RASA3: variants seen among roughly 807,000 people sequenced by gnomAD.
RASA3 encodes ras GTPase-activating protein 3.
In RASA3, 73 loss-of-function variants were observed where a neutral mutation model predicts 110.0. The observed-to-expected ratio is 0.66, with a 90% CI of 0.55 to 0.81. The LOEUF (loss-of-function observed/expected upper bound fraction) is 0.81, where lower values mean the gene tolerates loss of function less well. Among genes scored for constraint, RASA3 ranks in the 30% least tolerant of loss-of-function variants. RASA3 has a pLI of 0.00. For synonymous variants in RASA3, 500 were observed against 451.4 expected (o/e 1.11, Z -1.37); for missense variants, 976 against 1,113.2 (o/e 0.88, Z 1.75).
chr13:114,000,836 G>A lies in RASA3; in HGVS notation c.1839C>T (p.His613=), dbSNP rs35054508. ...GACCTTGCTCCTTACCTTTGCTTTT[G>A]TGGTAGGTAAATTCATGGTTGGTCA... ...FRLTNHEFTY[H]KSKGDQPLYS... is the part of the protein sequence containing the mutation. Residue 613 remains histidine, a synonymous_variant, in exon 19 of 24, where the codon CAC becomes CAT. Coordinates refer to ENST00000334062, the MANE Select transcript of RASA3 (RefSeq NM_007368.4). 481 of 1,609,072 alleles carry A rather than the reference G, an allele frequency of 3.0e-4. 1 individual carries two copies. The African/African-American group carries it at 4.0e-3, about 13-fold the overall frequency.
At chr13:114,122,929 C>T (rs1199271203) in intron 1 of RASA3, among the ~76,000 whole-genome samples, 1 of 152,214 alleles carries the variant, frequency 6.6e-6, no homozygotes, top group African/African-American at 2.4e-5. Flanking sequence ...AAGGAAAAGG[C>T]CGCGGCAGCA....
intron 18 of RASA3, among the ~76,000 whole-genome samples, chr13:114,002,193 C>CG (rs2053420824): frequency 6.6e-6 from 1 of 152,062 alleles, no homozygotes. Flanking sequence ...GGGAGGTGGG[C>CG]GGGGGAGACG....
In RASA3 at chr13:113,977,942, T is replaced by C. The variant is rs1289653568; in HGVS notation, c.*1405A>G. 3 of 152,304 alleles carry C rather than the reference T, an allele frequency of 2.0e-5. No individual in the cohort carries two copies. The East Asian group carries it at 5.8e-4, about 29-fold the overall frequency. The allele number at this position is 152,304 out of a possible 1,614,324, so 9.4% of individuals were successfully genotyped here. On this transcript the variant is annotated 3_prime_UTR_variant, in exon 24 of 24. Transcript: ENST00000334062. ...TCCAAAAGTCTATTTTTACAACATT[T>C]TCCTCCAGTATTTTTGTGACAAGAA...
chr13:114,010,372 C>T (rs2053604830), intron 16 of RASA3, among the ~76,000 whole-genome samples: 1 of 151,982 alleles, frequency 6.6e-6, no homozygotes, highest in South Asian at 2.1e-4. Context: ...TGGCCTGGCC[C>T]CTGCAGAGAC....
chr13:113,981,821 C>T lies in RASA3; in HGVS notation c.2283G>A (p.Glu761=), dbSNP rs2052942979. Residue 761 remains glutamate (E), a synonymous_variant, in exon 23 of 24, where the codon GAG becomes GAA. Transcript: ENST00000334062. The part of the protein sequence containing the change: ...CGSKSVYDGP[E]QEEYSTFVID... Reference sequence around the variant, plus strand: ...TGACGAACGTCGAATACTCCTCCTGCTCCGGGCCGTCATACACAGATTTGC... The same window carrying T: ...TGACGAACGTCGAATACTCCTCCTGTTCCGGGCCGTCATACACAGATTTGC... 3 of 1,613,972 alleles carry T rather than the reference C, an allele frequency of 1.9e-6. No homozygotes were observed. The highest frequency in any genetic ancestry group is 1.7e-4 in the Middle Eastern group (1 of 6,060).
intron 1 of RASA3, among the ~76,000 whole-genome samples, chr13:114,095,294 A>C (rs1928452): frequency 6.6e-6 from 1 of 151,960 alleles, no homozygotes; most frequent in Non-Finnish European, 1.5e-5. Context: ...AAGTGTAAAC[A>C]CAGTGGTTTT....
chr13:114,002,175 A>T (rs2053420198), intron 18 of RASA3, among the ~76,000 whole-genome samples: 1 of 152,208 alleles, frequency 6.6e-6, no homozygotes, highest in African/African-American at 2.4e-5. Context: ...AGCTGGAGAG[A>T]CAGAGTGGGG....
intron 1 of RASA3, among the ~76,000 whole-genome samples, chr13:114,121,671 G>C (rs1042881537): frequency 2.6e-5 from 4 of 152,222 alleles, no homozygotes; most frequent in Non-Finnish European, 5.9e-5. Context: ...CTTCCCCAGA[G>C]AAAGACTTTG....
At chr13:114,051,615 G>A (rs953896933) in intron 3 of RASA3, among the ~76,000 whole-genome samples, 3 of 152,218 alleles carry the variant, frequency 2.0e-5, no homozygotes, top group African/African-American at 7.2e-5. Context: ...GGGGGAAACT[G>A]AGGCAACATG....
At chr13:114,061,274 T>C (rs1378840176) in intron 2 of RASA3, among the ~76,000 whole-genome samples, 9 of 152,090 alleles carry the variant, frequency 5.9e-5, no homozygotes, top group Middle Eastern at 3.2e-3. Context: ...GCTGCCTTGA[T>C]GCGTGGGGCT....
intron 1 of RASA3, among the ~76,000 whole-genome samples, chr13:114,078,833 G>A (rs1723195589): frequency 6.6e-6 from 1 of 152,172 alleles, no homozygotes; most frequent in African/African-American, 2.4e-5. Context: ...TTCCCTGGAG[G>A]CCCACACAGG....
At chr13:114,020,772 C>T (rs1476945141) in intron 9 of RASA3, among the ~76,000 whole-genome samples, 1 of 152,360 alleles carries the variant, frequency 6.6e-6, no homozygotes, top group African/African-American at 2.4e-5. Context: ...TCAGAGCCGA[C>T]CACTGAGGTC....
At position 114,065,943 on chromosome 13, in the gene RASA3, ACT is replaced by A. The variant is rs555396120; in HGVS notation, c.173+7775_173+7776del. On this transcript the variant is annotated intron_variant, in intron 2 of 23. Coordinates refer to ENST00000334062, the MANE Select transcript of RASA3 (RefSeq NM_007368.4). This position sits in a 1 kb window ranked among gnomAD's most constrained non-coding sequence, Gnocchi z 4.1. ...AGGAAAGCAGGCGGGCTGGGCTGAG[ACT>A]CACAGCTGCAGCGGCCGTGGTGAGC... Among the ~76,000 whole-genome samples the A allele has an allele frequency of 1.2e-3, 176 of 152,146 alleles. No homozygotes were observed. Among genetic ancestry groups the A allele is most frequent in the Middle Eastern group, 6.8e-3 (2 of 294 alleles).
chr13:114,132,209 G>A (rs1031882577), intron 1 of RASA3, among the ~76,000 whole-genome samples: 12 of 152,302 alleles, frequency 7.9e-5, no homozygotes, highest in Middle Eastern at 3.4e-3. Flanking sequence ...AGGAGGCGCA[G>A]GGAGCCGCGT....
Position 114,052,326 on chromosome 13 carries a change from T to A in RASA3, c.174-171A>T, listed in dbSNP as rs114369321. On this transcript the variant is annotated intron_variant, in intron 2 of 23. Transcript: ENST00000334062. Reference sequence around the variant, plus strand: ...CCTGTGGGGTGAAGGGCCTCGTAGCTGCTCCCCGGCCTCCACCTCGAGCCT... The same window carrying A: ...CCTGTGGGGTGAAGGGCCTCGTAGCAGCTCCCCGGCCTCCACCTCGAGCCT... Among the ~76,000 whole-genome samples, 249 of 152,276 alleles carry A rather than the reference T, an allele frequency of 1.6e-3. 2 individuals carry two copies. The highest frequency in any genetic ancestry group is 5.9e-3 in the African/African-American group (246 of 41,548).
At chr13:113,989,541 CCCATCCTTCCATCCACCCATCACTCAT>C (rs2053057618) in intron 22 of RASA3, among the ~76,000 whole-genome samples, 1 of 151,032 alleles carries the variant, frequency 6.6e-6, no homozygotes, top group Non-Finnish European at 1.5e-5. Context: ...CCATCACTCA[CCCATCCTTCCATCCACCCATCACTCAT>C]CCATCTATCC....
intron 16 of RASA3, among the ~76,000 whole-genome samples, chr13:114,010,711 G>A (rs866146591): frequency 1.1e-4 from 5 of 44,750 alleles, no homozygotes; most frequent in African/African-American, 4.7e-4. Context: ...TGGGGAGGTA[G>A]TGCAGCATGG....
intron 3 of RASA3, among the ~76,000 whole-genome samples, chr13:114,049,578 C>T (rs769762555): frequency 2.6e-5 from 4 of 152,348 alleles, no homozygotes; most frequent in African/African-American, 4.8e-5. Flanking sequence ...CATACACCTT[C>T]GAGAACGAAT....
chr13:114,015,718 A>G (rs1022167852), intron 13 of RASA3, among the ~76,000 whole-genome samples: 1 of 152,254 alleles, frequency 6.6e-6, no homozygotes, highest in East Asian at 1.9e-4. Flanking sequence ...GTTCAACATC[A>G]GGGAGTTTTG....
Sources: gnomAD v4.1 joint callset for allele counts (sites outside exome capture counted in the v4.1 genomes callset) on GRCh38, gnomAD v4.1.1 for gene constraint, Gnocchi (gnomAD v3.1) non-coding constraint, MANE v1.5 for transcripts, NCBI Gene and HGNC (gene_info 2026-07-23, HGNC 2026-07-21) for gene names.